Variants in FKBP6 observed in about 807,000 individuals in gnomAD.
FKBP6 encodes FKBP prolyl isomerase family member 6 (inactive).
In FKBP6, 29 loss-of-function variants were observed where a neutral mutation model predicts 41.7. The ratio of observed to expected loss-of-function variants is 0.70; its 90% confidence interval spans 0.52 to 0.95. The LOEUF (loss-of-function observed/expected upper bound fraction) is 0.95, where lower values mean the gene tolerates loss of function less well. Ranked by LOEUF, FKBP6 falls within the 40% of genes least tolerant of loss-of-function variation. FKBP6 has a pLI of 0.00. For missense variants in FKBP6, 338 were observed against 408.7 expected (o/e 0.83, Z 1.49); for synonymous variants, 130 against 165.1 (o/e 0.79, Z 1.63).
Position 73,330,217 on chromosome 7 carries a change from G to C in FKBP6, c.333G>C (p.Leu111=). The part of the protein sequence containing the change: ...SMRRGELARF[L]FKPNYAYGTL... ...GGAGAGGAGAGCTGGCCAGGTTTCT[G>C]TTCAAACCGAACTACGCCTATGGAA... The change falls in exon 4 of 9, where the codon CTG becomes CTC. Residue 111 remains leucine (L), a synonymous_variant. Coordinates refer to ENST00000252037, the MANE Select transcript of FKBP6 (RefSeq NM_003602.5). The C allele has an allele frequency of 6.2e-7, 1 of 1,614,028 alleles. No homozygotes were observed. The highest frequency in any genetic ancestry group is 8.5e-7 in the Non-Finnish European group (1 of 1,179,924).
At position 73,328,288 on chromosome 7, in the gene FKBP6, T is replaced by C. The variant is rs2115805406; in HGVS notation, c.-141T>C. ...GAACGAAACGATGAGTGCCTCCTCG[T>C]GGCCCCAGAATGGAATGCCGCCGTC... On this transcript the variant is annotated 5_prime_UTR_variant, in exon 1 of 9. Coordinates refer to ENST00000252037, the MANE Select transcript of FKBP6 (RefSeq NM_003602.5). 6.5e-7 allele frequency: 1 copy of C among 1,549,180 alleles called. No homozygotes were observed. The highest frequency in any genetic ancestry group is 1.2e-5 in the South Asian group (1 of 83,970).
At chr7:73,336,020 A>G (rs1804996908) in intron 5 of FKBP6, among the ~76,000 whole-genome samples, 1 of 152,164 alleles carries the variant, frequency 6.6e-6, no homozygotes, top group African/African-American at 2.4e-5. Flanking sequence ...TCACACAAGT[A>G]TGGGGTTTCC....
intron 8 of FKBP6, among the ~76,000 whole-genome samples, chr7:73,350,794 C>T (rs543508333): frequency 7.2e-5 from 11 of 152,244 alleles, no homozygotes; most frequent in Non-Finnish European, 1.6e-4. Flanking sequence ...CAGCCCAGTG[C>T]CAATGCCGAG....
At chr7:73,336,897 A>G (rs1454186856) in intron 5 of FKBP6, 4 of 442,938 alleles carry the variant, frequency 9.0e-6, no homozygotes, top group South Asian at 4.7e-5. Context: ...ATGACGTTGT[A>G]TATGATGAAG....
chr7:73,348,005 GCTCAAGTC>G (rs1384595431), intron 8 of FKBP6, among the ~76,000 whole-genome samples: 1 of 152,108 alleles, frequency 6.6e-6, no homozygotes, highest in African/African-American at 2.4e-5. Flanking sequence ...ACTCCCTGTT[GCTCAAGTC>G]CTTTAGATAG....
At position 73,348,221 on chromosome 7, in the gene FKBP6, C is replaced by G. The variant is rs540803898; in HGVS notation, c.*2+5322C>G. On this transcript the variant is annotated intron_variant, in intron 8 of 8. Transcript: ENST00000252037. ...AAATGTTCTTAATTTTCCAACTCTT[C>G]CATCTTCATTTCATCAATCAAATAT... Among the ~76,000 whole-genome samples the G allele has an allele frequency of 7.9e-5, 12 of 152,110 alleles. No individual in the cohort carries two copies. In the South Asian group the frequency reaches 2.3e-3, roughly 29 times the overall value.
At chr7:73,337,040 G>A (rs1386425319) in intron 5 of FKBP6, 1 of 342,012 alleles carries the variant, frequency 2.9e-6, no homozygotes, top group African/African-American at 2.2e-5. Context: ...TCATGGGAAT[G>A]AGCAGGTAAG....
At position 73,358,440 on chromosome 7, in the gene FKBP6, T is replaced by C. The variant is rs1202656378; in HGVS notation, c.*262T>C. On this transcript the variant is annotated 3_prime_UTR_variant, in exon 9 of 9. Transcript: ENST00000252037. The stretch of plus-strand genomic sequence containing the variant: ...TACTTTTTTTAAGGCAGTTTCTTGT[T>C]TTTTTAGACGGAATTAGTCCTTGGC... 6.6e-6 allele frequency: 1 copy of C among 152,528 alleles called. No homozygotes were observed. Among genetic ancestry groups the C allele is most frequent in the Admixed American group, 6.5e-5 (1 of 15,268 alleles). The allele number at this position is 152,528 out of a possible 1,614,324, so 9.4% of individuals were successfully genotyped here.
At position 73,341,336 on chromosome 7, in the gene FKBP6, C is replaced by G; in HGVS notation, c.847C>G (p.Gln283Glu). The G allele has an allele frequency of 6.2e-7, 1 of 1,613,448 alleles. No individual in the cohort carries two copies. Among genetic ancestry groups the G allele is most frequent in the Non-Finnish European group, 8.5e-7 (1 of 1,179,358 alleles). ...RDFLVRAQKE[Q>E]PFNHDINNEL... Reference sequence around the variant, plus strand: ...TTTTCTAGTTCGAGCCCAGAAGGAGCAACCCTTCAATCATGACATCAATAA... The same window carrying G: ...TTTTCTAGTTCGAGCCCAGAAGGAGGAACCCTTCAATCATGACATCAATAA... Residue 283 changes from glutamine (Q) to glutamate (E), a missense_variant, in exon 7 of 9, where the codon CAA becomes GAA. Gln to Glu is a conservative substitution (Grantham distance 29). Transcript: ENST00000252037.
rs1554549547 is a variant in FKBP6 at position 73,341,391 on chromosome 7, T to A, written c.893+9T>A. 6.6e-7 allele frequency: 1 copy of A among 1,518,280 alleles called. No individual in the cohort carries two copies. 94.1% of individuals were successfully genotyped at this position (1,518,280 alleles called of 1,614,324 possible). On this transcript the variant is annotated intron_variant, in intron 7 of 8. Coordinates refer to ENST00000252037, the MANE Select transcript of FKBP6 (RefSeq NM_003602.5). ...CTGAAGAAACTGGCTAGGTGAGCTG[T>A]GTTTGCAGGAGCATGAAGAGAGATG...
Position 73,329,457 on chromosome 7 carries a change from C to T in FKBP6, c.265+8C>T. 6.6e-7 allele frequency: 1 copy of T among 1,514,716 alleles called. No individual in the cohort carries two copies. The highest frequency in any genetic ancestry group is 9.2e-7 in the Non-Finnish European group (1 of 1,089,400). The allele number at this position is 1,514,716 out of a possible 1,614,324, so 93.8% of individuals were successfully genotyped here. On this transcript the variant is annotated splice_region_variant and intron_variant, in intron 3 of 8. Coordinates refer to ENST00000252037, the MANE Select transcript of FKBP6 (RefSeq NM_003602.5). ...TAATGAAACTTGGAGAGGGTAGGTTCAGAGTGGGAGCTGGAGAAGAAGGAA... is the reference window on the plus strand; with the variant it reads ...TAATGAAACTTGGAGAGGGTAGGTTTAGAGTGGGAGCTGGAGAAGAAGGAA...
Position 73,330,140 on chromosome 7 carries a change from A to G in FKBP6, c.266-10A>G, listed in dbSNP as rs3950375. ...CAAGCTTCACCCACCTTCTTTGTCC[A>G]TTCTTACAGATATTACACTGTGGGG... On this transcript the variant is annotated splice_polypyrimidine_tract_variant and intron_variant, in intron 3 of 8. Coordinates refer to ENST00000252037, the MANE Select transcript of FKBP6 (RefSeq NM_003602.5). The G allele has an allele frequency of 6.2e-3, 10,037 of 1,610,052 alleles. 490 individuals carry two copies. The African/African-American group carries it at 0.11, about 18-fold the overall frequency.
intron 8 of FKBP6, among the ~76,000 whole-genome samples, chr7:73,343,242 G>A (rs186005472): frequency 1.3e-5 from 2 of 152,182 alleles, no homozygotes; most frequent in South Asian, 2.1e-4. Context: ...TGCAAGCTCC[G>A]CCTCCCAGGT....
rs78059590 is a variant in FKBP6 at position 73,355,009 on chromosome 7, G to A, written c.*3-3172G>A. ...TCTACAGCCTCCAGCCCGTGGCTCC[G>A]CGATTACATCACTCCTCTGTCTTCT... On this transcript the variant is annotated intron_variant, in intron 8 of 8. Coordinates refer to ENST00000252037, the MANE Select transcript of FKBP6 (RefSeq NM_003602.5). 8.4e-3 allele frequency among the ~76,000 whole-genome samples: 1,286 copies of A among 152,300 alleles called. 21 individuals carry two copies. The highest frequency in any genetic ancestry group is 0.03 in the African/African-American group (1,234 of 41,552).
intron 8 of FKBP6, among the ~76,000 whole-genome samples, chr7:73,345,251 A>G (rs1554550128): frequency 1.3e-5 from 2 of 149,478 alleles, no homozygotes; most frequent in Non-Finnish European, 3.0e-5. Flanking sequence ...AAAGATTTGC[A>G]GAAGGGGTCC....
intron 8 of FKBP6, among the ~76,000 whole-genome samples, chr7:73,357,185 C>T (rs1286267948): frequency 1.3e-5 from 2 of 151,780 alleles, no homozygotes; most frequent in Non-Finnish European, 2.9e-5. Context: ...CTCGCTCCAC[C>T]GTTAAACACC....
rs561237323 is a variant in FKBP6, at chr7:73,328,277, G to A, written c.-152G>A. 6.5e-7 allele frequency: 1 copy of A among 1,549,120 alleles called. No individual in the cohort carries two copies. Among genetic ancestry groups the A allele is most frequent in the Non-Finnish European group, 8.7e-7 (1 of 1,146,574 alleles). On this transcript the variant is annotated 5_prime_UTR_variant, in exon 1 of 9. In the 5' UTR this introduces an upstream ATG that the reference lacks. Transcript: ENST00000252037. ...GGCGGCGGTTGGAACGAAACGATGA[G>A]TGCCTCCTCGTGGCCCCAGAATGGA...
intron 2 of FKBP6, 143 bp from the exon 3 acceptor site, chr7:73,329,217 G>T: frequency 1.3e-6 from 1 of 757,790 alleles, no homozygotes; most frequent in Non-Finnish European, 2.4e-6. Flanking sequence ...AATGCAGAGA[G>T]AAGATTTATT....
chr7:73,336,782 C>T (rs1304979979), intron 5 of FKBP6: 3 of 456,422 alleles, frequency 6.6e-6, no homozygotes, highest in Non-Finnish European at 1.3e-5. Context: ...TGTGCTGCGG[C>T]TGAACCTGTT....
Sources: allele counts gnomAD v4.1 joint callset (sites outside exome capture counted in the v4.1 genomes callset), GRCh38; gene constraint gnomAD v4.1.1; transcripts MANE v1.5; gene names NCBI Gene and HGNC (gene_info 2026-07-23, HGNC 2026-07-21).